The following SNTG2 variants were observed in gnomAD, a reference collection of about 807,000 sequenced individuals.
SNTG2 encodes gamma-2-syntrophin.
A neutral mutation model predicts 70.9 loss-of-function variants in SNTG2; 74 were observed. The ratio of observed to expected loss-of-function variants is 1.04; its 90% CI spans 0.86 to 1.27. The LOEUF is 1.27. Ranked by LOEUF, SNTG2 falls within the 50% of genes most tolerant of loss-of-function variation. The pLI is 0.00. For missense variants in SNTG2, 717 were observed against 690.7 expected, an observed-to-expected ratio of 1.04 and a Z score of -0.43; for synonymous variants, 278 against 273.8, an observed-to-expected ratio of 1.02 and a Z score of -0.15.
At chr2:1,162,853 G>T (rs900264118) in intron 6 of SNTG2, among the ~76,000 whole-genome samples, 1 of 152,140 alleles carries the variant, frequency 6.6e-6, no homozygotes, top group African/African-American at 2.4e-5. Flanking sequence ...TCAGAGGAGG[G>T]CTTCTATTTC....
Position 1,308,561 on chromosome 2 carries a change from T to A in SNTG2, c.1352T>A (p.Phe451Tyr). Residue 451 changes from phenylalanine to tyrosine, a missense_variant, in exon 15 of 17, where the codon TTT becomes TAT. Physicochemically the swap from Phe to Tyr is conservative, Grantham distance 22 (BLOSUM62 3). Transcript: ENST00000308624. ...TTCACGGTGGATTTCGCGTTGGGAT[T>A]TACCTGTTTTGAGAGTAAGACCAAG... ...LCFTVDFALG[F>Y]TCFESKTKNV... 1 of 1,551,652 alleles carries A rather than the reference T, an allele frequency of 6.4e-7. No individual in the cohort carries two copies. Among genetic ancestry groups the A allele is most frequent in the Non-Finnish European group, 8.7e-7 (1 of 1,146,960 alleles).
At chr2:1,144,304 C>T (rs35338019) in intron 6 of SNTG2, among the ~76,000 whole-genome samples, 61,746 of 151,998 alleles carry the variant, frequency 0.41, 13,634 homozygotes, top group East Asian at 0.92. Context: ...TGGATAGACC[C>T]ACCAGACAGA....
At chr2:1,282,807 G>T (rs1488501478) in intron 14 of SNTG2, among the ~76,000 whole-genome samples, 1 of 151,320 alleles carries the variant, frequency 6.6e-6, no homozygotes, top group Non-Finnish European at 1.5e-5. Context: ...CTGTCTCGTG[G>T]CTTTGACTGA....
At chr2:1,160,050 A>G (rs921995830) in intron 6 of SNTG2, 5 of 152,208 alleles carry the variant, frequency 3.3e-5, no homozygotes, top group African/African-American at 1.2e-4. Context: ...TAAAGAAAGT[A>G]TCATGTCTAA....
At chr2:1,093,187 C>G (rs186809302) in intron 2 of SNTG2, among the ~76,000 whole-genome samples, 12 of 152,256 alleles carry the variant, frequency 7.9e-5, no homozygotes, top group African/African-American at 2.9e-4. Flanking sequence ...GGGCAGCTCA[C>G]GATCCGCACC....
At chr2:1,084,930 A>C (rs1664581137) in intron 2 of SNTG2, among the ~76,000 whole-genome samples, 1 of 152,180 alleles carries the variant, frequency 6.6e-6, no homozygotes, top group African/African-American at 2.4e-5. Context: ...CACCTCCCAC[A>C]GCCCACACCC....
At chr2:1,228,995 G>T (rs974880796) in intron 9 of SNTG2, among the ~76,000 whole-genome samples, 3 of 152,114 alleles carry the variant, frequency 2.0e-5, no homozygotes, top group Non-Finnish European at 2.9e-5. Flanking sequence ...TGGTGGGCTC[G>T]TGGTCTCTCT....
At chr2:990,193 C>T (rs955098211) in intron 1 of SNTG2, among the ~76,000 whole-genome samples, 2 of 152,352 alleles carry the variant, frequency 1.3e-5, no homozygotes, top group South Asian at 2.1e-4. Context: ...AGGGGCTGGA[C>T]GTCCATGGCC....
At chr2:987,203 T>A (rs1211116923) in intron 1 of SNTG2, among the ~76,000 whole-genome samples, 1 of 152,152 alleles carries the variant, frequency 6.6e-6, no homozygotes, top group Non-Finnish European at 1.5e-5. Context: ...GAGATGGAGC[T>A]TTTGGAGCCT....
chr2:1,246,243 CTCCTAATTT>C (rs2148128845), intron 11 of SNTG2, among the ~76,000 whole-genome samples: 1 of 152,352 alleles, frequency 6.6e-6, no homozygotes, highest in South Asian at 2.1e-4. Context: ...CAAGACAGTG[CTCCTAATTT>C]TCTTTCCCAT....
intron 14 of SNTG2, among the ~76,000 whole-genome samples, chr2:1,272,249 G>T (rs564955318): frequency 6.6e-6 from 1 of 151,740 alleles, no homozygotes; most frequent in Non-Finnish European, 1.5e-5. Context: ...CATCTGGGGG[G>T]ATGGGAGACA....
chr2:1,081,648 C>T (rs1387166445), intron 1 of SNTG2, among the ~76,000 whole-genome samples: 1 of 152,258 alleles, frequency 6.6e-6, no homozygotes, highest in African/African-American at 2.4e-5. Flanking sequence ...TCCACAGGCA[C>T]TGCCCCTTCC....
Position 1,125,511 on chromosome 2 carries a change from T to A in SNTG2, c.326-12111T>A, listed in dbSNP as rs186505509. The stretch of plus-strand genomic sequence containing the variant: ...TGAAGTTTGCTGCTTTCTTCTAATA[T>A]CTTGGTGTTAGTCATTCAAAACCCT... On this transcript the variant is annotated intron_variant, in intron 4 of 16. Coordinates refer to ENST00000308624, the MANE Select transcript of SNTG2 (RefSeq NM_018968.4). Among the ~76,000 whole-genome samples, 250 of 152,358 alleles carry A rather than the reference T, an allele frequency of 1.6e-3. 1 individual carries two copies. Among genetic ancestry groups the A allele is most frequent in the African/African-American group, 5.7e-3 (236 of 41,576 alleles).
intron 16 of SNTG2, among the ~76,000 whole-genome samples, chr2:1,335,517 T>G (rs1281785321): frequency 6.6e-6 from 1 of 152,128 alleles, no homozygotes; most frequent in Non-Finnish European, 1.5e-5. Flanking sequence ...AATAGCCATG[T>G]AGGTAAGTAA....
chr2:1,131,623 C>G (rs1032740332), intron 4 of SNTG2, among the ~76,000 whole-genome samples: 1 of 151,862 alleles, frequency 6.6e-6, no homozygotes, highest in Non-Finnish European at 1.5e-5. Context: ...CCCGTTTAAC[C>G]TGTTTGCAAA....
chr2:1,224,767 C>A (rs1342335813), intron 9 of SNTG2, among the ~76,000 whole-genome samples: 1 of 152,180 alleles, frequency 6.6e-6, no homozygotes, highest in South Asian at 2.1e-4. Context: ...GCAGGCCTTG[C>A]CTGGGTGTTC....
intron 8 of SNTG2, among the ~76,000 whole-genome samples, chr2:1,185,369 T>A (rs1245898848): frequency 6.6e-6 from 1 of 152,148 alleles, no homozygotes; most frequent in Non-Finnish European, 1.5e-5. Flanking sequence ...TTCTCACAGT[T>A]CCAGTAGTCA....
intron 8 of SNTG2, among the ~76,000 whole-genome samples, chr2:1,192,878 T>C (rs1436501607): frequency 2.0e-5 from 3 of 152,226 alleles, no homozygotes; most frequent in Non-Finnish European, 4.4e-5. Context: ...GATAAAGGAA[T>C]GTTTCCACAC....
chr2:1,176,404 C>T (rs201621107), intron 8 of SNTG2, among the ~76,000 whole-genome samples: 1 of 73,436 alleles, frequency 1.4e-5, no homozygotes, highest in Non-Finnish European at 2.9e-5. Context: ...CCCCATAACA[C>T]AAGTTTACCT....
Sources: allele counts gnomAD v4.1 joint callset (sites outside exome capture counted in the v4.1 genomes callset), GRCh38; gene constraint gnomAD v4.1.1; transcripts MANE v1.5; gene names NCBI Gene and HGNC (gene_info 2026-07-23, HGNC 2026-07-21).